KLHL4: variants seen among roughly 807,000 people sequenced by gnomAD.
The protein encoded by KLHL4 is kelch like family member 4.
In KLHL4, 17 loss-of-function variants were observed where a neutral mutation model predicts 45.8. The ratio of observed to expected loss-of-function variants is 0.37; its 90% CI spans 0.25 to 0.56. KLHL4 has a LOEUF of 0.56. Ranked by LOEUF, KLHL4 falls within the 20% of genes least tolerant of loss-of-function variation. KLHL4 has a pLI of 0.79. For missense variants in KLHL4, 544 were observed against 544.9 expected (o/e 1.00, Z 0.02); for synonymous variants, 224 against 189.9 (o/e 1.18, Z -1.47).
At position 87,669,263 on chromosome X, in the gene KLHL4, T is replaced by A; in HGVS notation, c.*2729T>A. ...TGACCGTGTTCACGATTCCCTACTC[T>A]GCAACTCTCAGCATGCATCATGATG... On this transcript the variant is annotated 3_prime_UTR_variant, in exon 11 of 11. Transcript: ENST00000373119. 8.4e-7 allele frequency: 1 copy of A among 1,192,421 alleles called. No homozygotes were observed. Among genetic ancestry groups the A allele is most frequent in the Non-Finnish European group, 1.1e-6 (1 of 886,196 alleles).
intron 9 of KLHL4, among the ~76,000 whole-genome samples, chrX:87,640,483 T>C (rs1457023175): frequency 2.7e-5 from 3 of 111,617 alleles, no homozygotes; most frequent in African/African-American, 9.8e-5. Flanking sequence ...GTCAAAAAGA[T>C]AATACACCAT....
intron 1 of KLHL4, among the ~76,000 whole-genome samples, chrX:87,586,259 C>T (rs1373976688): frequency 2.7e-5 from 3 of 110,842 alleles, no homozygotes; most frequent in African/African-American, 9.8e-5. Context: ...ACTTAATCTG[C>T]ACTGAAGAAC....
At chrX:87,520,058 G>A (rs987682399) in intron 1 of KLHL4, among the ~76,000 whole-genome samples, 3 of 112,204 alleles carry the variant, frequency 2.7e-5, no homozygotes, top group Non-Finnish European at 3.8e-5. Context: ...GAAAGCTAAC[G>A]TTTTCTTAAT....
chrX:87,527,736 A>G (rs1317600981), intron 1 of KLHL4, among the ~76,000 whole-genome samples: 1 of 108,807 alleles, frequency 9.2e-6, no homozygotes, highest in East Asian at 2.9e-4. Context: ...ACTGACATAT[A>G]TACCATATAA....
At chrX:87,585,943 C>A (rs1446714189) in intron 1 of KLHL4, among the ~76,000 whole-genome samples, 2 of 110,817 alleles carry the variant, frequency 1.8e-5, no homozygotes, top group African/African-American at 6.5e-5. Flanking sequence ...ATATTCCATG[C>A]CTTTGGAAAC....
intron 1 of KLHL4, among the ~76,000 whole-genome samples, chrX:87,609,727 TG>T (rs764605234): frequency 6.3e-5 from 7 of 111,728 alleles, no homozygotes; most frequent in Non-Finnish European, 1.3e-4. Flanking sequence ...TTCACTCTGA[TG>T]GTAGTTTCTT....
chrX:87,647,875 A>C (rs2147834344), intron 9 of KLHL4, among the ~76,000 whole-genome samples: 1 of 111,787 alleles, frequency 8.9e-6, no homozygotes, highest in African/African-American at 3.2e-5. Flanking sequence ...AAATAGCATT[A>C]ACAACATAAA....
At chrX:87,653,868 C>T (rs1472322921) in intron 9 of KLHL4, among the ~76,000 whole-genome samples, 1 of 111,588 alleles carries the variant, frequency 9.0e-6, no homozygotes, top group African/African-American at 3.3e-5. Flanking sequence ...CTTCAGCAAA[C>T]TAATGCAGGA....
At position 87,667,445 on chromosome X, in the gene KLHL4, G is replaced by A. The variant is rs1390626166; in HGVS notation, c.*911G>A. ...ACAATTTTTAAAGTACCTTAAAATTGAGGATGTTACTCAGTGTTAACACAT... is the reference window on the plus strand; with the variant it reads ...ACAATTTTTAAAGTACCTTAAAATTAAGGATGTTACTCAGTGTTAACACAT... On this transcript the variant is annotated 3_prime_UTR_variant, in exon 11 of 11. Coordinates refer to ENST00000373119, the MANE Select transcript of KLHL4 (RefSeq NM_019117.5). 7.2e-6 allele frequency: 5 copies of A among 692,465 alleles called. No homozygotes were observed. The highest frequency in any genetic ancestry group is 8.5e-6 in the Non-Finnish European group (5 of 584,943). 57.1% of individuals were successfully genotyped at this position (692,465 alleles called of 1,213,427 possible).
chrX:87,625,180 G>A (rs1340933946), intron 5 of KLHL4, among the ~76,000 whole-genome samples: 1 of 112,532 alleles, frequency 8.9e-6, no homozygotes, highest in African/African-American at 3.2e-5. Flanking sequence ...GAATAAATAT[G>A]CAGAGGTCAT....
At chrX:87,609,717 T>C in intron 1 of KLHL4, among the ~76,000 whole-genome samples, 1 of 111,743 alleles carries the variant, frequency 8.9e-6, no homozygotes, top group East Asian at 2.8e-4. Context: ...AGGCTGCCTG[T>C]TCACTCTGAT....
chrX:87,594,985 G>C (rs186571648), intron 1 of KLHL4, among the ~76,000 whole-genome samples: 342 of 108,467 alleles, frequency 3.2e-3, no homozygotes, highest in African/African-American at 0.011. Context: ...GTAGTAAAAG[G>C]CTATCACTCA....
chrX:87,645,545 A>T (rs1404619426), intron 9 of KLHL4, among the ~76,000 whole-genome samples: 1 of 111,718 alleles, frequency 9.0e-6, no homozygotes, highest in Non-Finnish European at 1.9e-5. Context: ...CAATCCTACT[A>T]CTGGGCATCT....
intron 1 of KLHL4, among the ~76,000 whole-genome samples, chrX:87,552,955 G>A (rs527260431): frequency 9.0e-6 from 1 of 110,648 alleles, no homozygotes; most frequent in South Asian, 3.7e-4. Context: ...CTTTAAGAAT[G>A]TATTTGGAAT....
intron 1 of KLHL4, among the ~76,000 whole-genome samples, chrX:87,530,525 G>T (rs1278827293): frequency 1.6e-4 from 16 of 98,356 alleles, no homozygotes; most frequent in Non-Finnish European, 3.2e-4. Flanking sequence ...GCGGTGTTTG[G>T]TTTTTTGTCC....
intron 1 of KLHL4, among the ~76,000 whole-genome samples, chrX:87,518,634 T>C (rs1602394913): frequency 8.9e-6 from 1 of 111,934 alleles, no homozygotes; most frequent in East Asian, 2.8e-4. Flanking sequence ...GCTCAGATGT[T>C]TAAATGCAAT....
intron 1 of KLHL4, among the ~76,000 whole-genome samples, chrX:87,575,348 C>T (rs73509902): frequency 1.8e-3 from 196 of 111,274 alleles, no homozygotes; most frequent in African/African-American, 6.3e-3. Flanking sequence ...GTTGTGCACT[C>T]CTTATGAGAA....
At chrX:87,552,926 A>AT (rs1449047257) in intron 1 of KLHL4, among the ~76,000 whole-genome samples, 1 of 110,273 alleles carries the variant, frequency 9.1e-6, no homozygotes, top group Non-Finnish European at 1.9e-5. Flanking sequence ...TAATAACTTA[A>AT]TTGTATATTT....
At chrX:87,658,546 A>C (rs1398590588) in intron 9 of KLHL4, among the ~76,000 whole-genome samples, 1 of 111,134 alleles carries the variant, frequency 9.0e-6, no homozygotes, top group Non-Finnish European at 1.9e-5. Flanking sequence ...TAGATTACCC[A>C]GCTCCCCAGT....
Sources: allele counts gnomAD v4.1 joint callset (sites outside exome capture counted in the v4.1 genomes callset), GRCh38; gene constraint gnomAD v4.1.1; transcripts MANE v1.5; gene names NCBI Gene and HGNC (gene_info 2026-07-23, HGNC 2026-07-21).